The following CHST15 variants were observed in gnomAD, a reference collection of about 807,000 sequenced individuals.
CHST15 encodes the protein B cell RAG associated protein (GALNAC4S-6ST).
In CHST15, 30 loss-of-function variants were observed where a neutral mutation model predicts 53.6. The observed-to-expected ratio is 0.56, with a 90% CI of 0.42 to 0.76. The LOEUF (loss-of-function observed/expected upper bound fraction) is 0.76. Ranked by LOEUF, CHST15 falls within the 30% of genes least tolerant of loss-of-function variation. CHST15 has a pLI of 0.00. For synonymous variants in CHST15, 296 were observed against 289.8 expected (o/e 1.02, Z -0.22); for missense variants, 627 against 740.5 (o/e 0.85, Z 1.78).
rs1343565162 is a variant in CHST15 at position 124,008,956 on chromosome 10, T to A, written c.*1193A>T. 2 of 1,289,038 alleles carry A rather than the reference T, an allele frequency of 1.6e-6. No individual in the cohort carries two copies. Among genetic ancestry groups the A allele is most frequent in the African/African-American group, 3.0e-5 (2 of 65,856 alleles). 79.9% of individuals were successfully genotyped at this position (1,289,038 alleles called of 1,614,324 possible). On this transcript the variant is annotated 3_prime_UTR_variant, in exon 8 of 8. Transcript: ENST00000435907. ...AAAATTCCATGAAGAACACGGCTCT[T>A]AGAAACCTCATTCCAAATCTCAACA...
chr10:124,051,906 A>C (rs1948214508), intron 1 of CHST15, among the ~76,000 whole-genome samples: 1 of 152,210 alleles, frequency 6.6e-6, no homozygotes, highest in Admixed American at 6.5e-5. Context: ...GGAAAAACTT[A>C]TTAAATTATT....
intron 5 of CHST15, among the ~76,000 whole-genome samples, chr10:124,030,656 A>C (rs1411334739): frequency 1.3e-5 from 2 of 152,226 alleles, no homozygotes; most frequent in South Asian, 2.1e-4. Context: ...CCTGCGTTTT[A>C]ATCCTTGTGC....
Position 124,009,015 on chromosome 10 carries a change from G to A in CHST15, c.*1134C>T. On this transcript the variant is annotated 3_prime_UTR_variant, in exon 8 of 8. Transcript: ENST00000435907. Reference sequence around the variant, plus strand: ...TCAGCCCAAGTTCAGCTTGTGCATTGTGTTTTGGAATTGGGACACGAGTAT... The same window carrying A: ...TCAGCCCAAGTTCAGCTTGTGCATTATGTTTTGGAATTGGGACACGAGTAT... The A allele has an allele frequency of 7.8e-7, 1 of 1,289,160 alleles. No individual in the cohort carries two copies. Among genetic ancestry groups the A allele is most frequent in the Non-Finnish European group, 1.0e-6 (1 of 988,692 alleles). 79.9% of individuals were successfully genotyped at this position (1,289,160 alleles called of 1,614,324 possible).
intron 1 of CHST15, among the ~76,000 whole-genome samples, chr10:124,050,489 G>A (rs916951422): frequency 6.6e-6 from 1 of 152,280 alleles, no homozygotes; most frequent in African/African-American, 2.4e-5. Context: ...GGGCTGTCCC[G>A]CGCACAGTAG....
rs1050446431 is a variant in CHST15, at chr10:124,036,693, T to C, written c.1190+1822A>G. On this transcript the variant is annotated intron_variant, in intron 5 of 7. Coordinates refer to ENST00000435907, the MANE Select transcript of CHST15 (RefSeq NM_001270764.2). This position sits in a 1 kb window ranked among gnomAD's most constrained non-coding sequence, Gnocchi z 5.1. The stretch of plus-strand genomic sequence containing the variant: ...ACACACACACACACACTTATTTGCA[T>C]AGAAAAGTCTGGAAGAAAATACACC... Among the ~76,000 whole-genome samples, 16 of 152,102 alleles carry C rather than the reference T, an allele frequency of 1.1e-4. No homozygotes were observed. The highest frequency in any genetic ancestry group is 3.4e-4 in the African/African-American group (14 of 41,404).
In CHST15 at chr10:124,025,593, T is replaced by C. The variant is rs148793912; in HGVS notation, c.1191-4181A>G. Among the ~76,000 whole-genome samples the C allele has an allele frequency of 4.4e-3, 671 of 152,242 alleles. 6 individuals carry two copies. Among genetic ancestry groups the C allele is most frequent in the Non-Finnish European group, 7.6e-3 (517 of 68,004 alleles). On this transcript the variant is annotated intron_variant, in intron 5 of 7. Transcript: ENST00000435907. ...CATGGCCACCATCTGGATTCCGTAG[T>C]TGGATGGATAGTGGACACCAAAGAA...
At chr10:124,016,902 G>A (rs533624388) in intron 6 of CHST15, among the ~76,000 whole-genome samples, 90 of 152,246 alleles carry the variant, frequency 5.9e-4, no homozygotes, top group African/African-American at 2.0e-3. Flanking sequence ...GGAGGATCAC[G>A]ATGGTGCCCA....
chr10:124,065,507 C>T (rs1195917773), intron 1 of CHST15, among the ~76,000 whole-genome samples: 1 of 152,184 alleles, frequency 6.6e-6, no homozygotes, highest in Non-Finnish European at 1.5e-5. Context: ...TGTTGTCACC[C>T]AACCCTGCTG....
chr10:124,091,483 C>G lies in CHST15; in HGVS notation c.-513+1986G>C, dbSNP rs566893953. On this transcript the variant is annotated intron_variant, in intron 1 of 7. Coordinates refer to ENST00000435907, the MANE Select transcript of CHST15 (RefSeq NM_001270764.2). ...AGATGCCCTCCGAGGCCTTTCTGCC[C>G]CAACGCTGGGTGGCTACCCTAACCC... 6.6e-5 allele frequency among the ~76,000 whole-genome samples: 10 copies of G among 152,274 alleles called. No individual in the cohort carries two copies. In the East Asian group the frequency reaches 1.9e-3, roughly 29 times the overall value.
At position 124,020,350 on chromosome 10, in the gene CHST15, T is replaced by A. The variant is rs965055636; in HGVS notation, c.1347+906A>T. ...GGTTCCAAAGTGTACTCCTCCTACC[T>A]GGCACCAGAGCAGGCTCTGGGGTTA... On this transcript the variant is annotated intron_variant, in intron 6 of 7. Transcript: ENST00000435907. The A allele has an allele frequency of 4.1e-6, 4 of 985,340 alleles. No homozygotes were observed. In the East Asian group the frequency reaches 3.4e-4, roughly 84 times the overall value. 61.0% of individuals were successfully genotyped at this position (985,340 alleles called of 1,614,324 possible).
In CHST15 at chr10:124,008,341, G is replaced by A. The variant is rs554311575; in HGVS notation, c.*1808C>T. On this transcript the variant is annotated 3_prime_UTR_variant, in exon 8 of 8. Coordinates refer to ENST00000435907, the MANE Select transcript of CHST15 (RefSeq NM_001270764.2). ...AGAAGACGCACTCACCCACACGTGCGCGTACACACACACACACGCGCGCAC... is the reference window on the plus strand; with the variant it reads ...AGAAGACGCACTCACCCACACGTGCACGTACACACACACACACGCGCGCAC... The A allele has an allele frequency of 8.7e-3, 9,292 of 1,071,412 alleles. 41 individuals are homozygous for A. The highest frequency in any genetic ancestry group is 1.0e-2 in the Non-Finnish European group (8,854 of 889,404). The allele number at this position is 1,071,412 out of a possible 1,614,324, so 66.4% of individuals were successfully genotyped here. A position where few individuals can be genotyped will look rare whatever the true frequency, so the allele number is the denominator to read the frequency against.
Position 124,082,442 on chromosome 10 carries a change from C to G in CHST15, c.-513+11027G>C, listed in dbSNP as rs1313124373. On this transcript the variant is annotated intron_variant, in intron 1 of 7. Coordinates refer to ENST00000435907, the MANE Select transcript of CHST15 (RefSeq NM_001270764.2). ...AAATTCAGACAATTCAGTATCTCAGCCAGGATCACTGACAGGGGGATCGGG... is the reference window on the plus strand; with the variant it reads ...AAATTCAGACAATTCAGTATCTCAGGCAGGATCACTGACAGGGGGATCGGG... Among the ~76,000 whole-genome samples the G allele has an allele frequency of 2.0e-5, 3 of 152,184 alleles. 1 individual carries two copies. The highest frequency in any genetic ancestry group is 2.0e-4 in the Admixed American group (3 of 15,290).
At chr10:124,041,495 G>A (rs972994376) in intron 4 of CHST15, among the ~76,000 whole-genome samples, 3 of 152,036 alleles carry the variant, frequency 2.0e-5, no homozygotes, top group African/African-American at 7.3e-5. Flanking sequence ...ATTGCATGCT[G>A]GAAATTTTCC....
chr10:124,042,790 ACTCGTAAGTGGCTGGG>A (rs1193708742), intron 3 of CHST15, among the ~76,000 whole-genome samples: 2 of 152,040 alleles, frequency 1.3e-5, no homozygotes, highest in Non-Finnish European at 2.9e-5. Context: ...CACAGGTGGG[ACTCGTAAGTGGCTGGG>A]CAGCGATGAC....
chr10:124,015,846 G>A (rs1256652355), intron 6 of CHST15, among the ~76,000 whole-genome samples: 1 of 152,208 alleles, frequency 6.6e-6, no homozygotes, highest in Non-Finnish European at 1.5e-5. Flanking sequence ...TGGGTGGAGA[G>A]AGAAGACAGT....
At chr10:124,081,226 G>C (rs1226573617) in intron 1 of CHST15, among the ~76,000 whole-genome samples, 1 of 152,184 alleles carries the variant, frequency 6.6e-6, no homozygotes. Context: ...CTAATTATCT[G>C]TCCCTTATCT....
chr10:124,073,107 G>A (rs1371852112), intron 1 of CHST15, among the ~76,000 whole-genome samples: 1 of 152,148 alleles, frequency 6.6e-6, no homozygotes, highest in East Asian at 1.9e-4. Context: ...TCCAATCCTA[G>A]CTACGTGCCC....
intron 5 of CHST15, among the ~76,000 whole-genome samples, chr10:124,028,651 C>T (rs1947103693): frequency 2.0e-5 from 3 of 152,202 alleles, no homozygotes; most frequent in Non-Finnish European, 4.4e-5. Context: ...ACTGAGATCA[C>T]CCAGCTCAAA....
chr10:124,009,107 C>A lies in CHST15; in HGVS notation c.*1042G>T, dbSNP rs1946342964. On this transcript the variant is annotated 3_prime_UTR_variant, in exon 8 of 8. Transcript: ENST00000435907. Reference sequence around the variant, plus strand: ...TGGAGAATGTGGAAATAAACTATTTCCAATGGGAAGGCAGAGAAATGGAGC... The same window carrying A: ...TGGAGAATGTGGAAATAAACTATTTACAATGGGAAGGCAGAGAAATGGAGC... 1 of 1,260,290 alleles carries A rather than the reference C, an allele frequency of 7.9e-7. No homozygotes were observed. The highest frequency in any genetic ancestry group is 1.3e-5 in the South Asian group (1 of 79,052). The allele number at this position is 1,260,290 out of a possible 1,614,324, so 78.1% of individuals were successfully genotyped here. A position where few individuals can be genotyped will look rare whatever the true frequency, so the allele number is the denominator to read the frequency against.
Sources: gnomAD v4.1 joint callset for allele counts (sites outside exome capture counted in the v4.1 genomes callset) on GRCh38, gnomAD v4.1.1 for gene constraint, Gnocchi (gnomAD v3.1) non-coding constraint, MANE v1.5 for transcripts, NCBI Gene and HGNC (gene_info 2026-07-23, HGNC 2026-07-21) for gene names.